The following EPHA6 variants were observed in gnomAD, a reference collection of about 807,000 sequenced individuals.
The protein encoded by EPHA6 is ephrin type-A receptor 6.
A neutral mutation model predicts 112.0 loss-of-function variants in EPHA6; 50 were observed. The observed-to-expected ratio is 0.45, with a 90% CI of 0.36 to 0.56. The LOEUF (loss-of-function observed/expected upper bound fraction) is 0.56. EPHA6 is among the 20% of genes least tolerant of loss of function. The pLI is 0.00. For synonymous variants in EPHA6, 529 were observed against 490.7 expected (o/e 1.08, Z -1.03); for missense variants, 1,280 against 1,417.4 (o/e 0.90, Z 1.56).
chr3:97,048,787 G>T lies in EPHA6; in HGVS notation c.1114+60794G>T, dbSNP rs536766979. On this transcript the variant is annotated intron_variant, in intron 3 of 17. Transcript: ENST00000389672. ...AGACCTTATTTAAATGAGGAGGAGA[G>T]AAAGATAATTAACAAAACCCACAAA... 1.2e-4 allele frequency among the ~76,000 whole-genome samples: 19 copies of T among 152,150 alleles called. No individual in the cohort carries two copies. The South Asian group carries it at 3.9e-3, about 32-fold the overall frequency.
chr3:97,753,318 G>C lies in EPHA6; in HGVS notation c.*4617G>C, dbSNP rs577143202. ...TGCTATGGTTGCCATGTCACCGGGG[G>C]ATAGCACTTTCCATAGAATATAAAG... is the stretch of plus-strand genomic sequence containing the variant. On this transcript the variant is annotated 3_prime_UTR_variant, in exon 18 of 18. Coordinates refer to ENST00000389672, the MANE Select transcript of EPHA6 (RefSeq NM_001080448.3). Among the ~76,000 whole-genome samples, 1 of 152,200 alleles carries C rather than the reference G, an allele frequency of 6.6e-6. No homozygotes were observed. Among genetic ancestry groups the C allele is most frequent in the South Asian group, 2.1e-4 (1 of 4,820 alleles).
intron 13 of EPHA6, among the ~76,000 whole-genome samples, chr3:97,615,454 AG>A (rs1161610964): frequency 6.6e-6 from 1 of 152,172 alleles, no homozygotes; most frequent in African/African-American, 2.4e-5. Flanking sequence ...AGCTGAATCC[AG>A]GGGGCAGAGC....
chr3:97,570,594 G>T (rs988252533), intron 11 of EPHA6, among the ~76,000 whole-genome samples: 25 of 152,016 alleles, frequency 1.6e-4, no homozygotes, highest in African/African-American at 5.6e-4. Flanking sequence ...GCTGGGCATG[G>T]TGGCAGGCAC....
chr3:97,147,955 G>A (rs1224107132), intron 3 of EPHA6, among the ~76,000 whole-genome samples: 1 of 152,012 alleles, frequency 6.6e-6, no homozygotes, highest in African/African-American at 2.4e-5. Context: ...ATATGATAAT[G>A]TACAATGTTA....
At chr3:97,065,208 G>T (rs189961486) in intron 3 of EPHA6, among the ~76,000 whole-genome samples, 104 of 152,168 alleles carry the variant, frequency 6.8e-4, no homozygotes, top group Non-Finnish European at 1.1e-3. Context: ...AGCCAGAACA[G>T]AATTTCCCTG....
chr3:97,597,225 C>A (rs6784579), intron 12 of EPHA6, among the ~76,000 whole-genome samples: 33,188 of 151,692 alleles, frequency 0.22, 4,806 homozygotes, highest in African/African-American at 0.39. Context: ...TCTCTGTTTG[C>A]CTGCCTGTGC....
Position 97,273,945 on chromosome 3 carries a change from G to A in EPHA6, c.1606+29658G>A, listed in dbSNP as rs373581105. On this transcript the variant is annotated intron_variant, in intron 5 of 17. Coordinates refer to ENST00000389672, the MANE Select transcript of EPHA6 (RefSeq NM_001080448.3). Reference sequence around the variant, plus strand: ...TGAGTAAAGTCAATTTGCCAGTCCTGGGCAGGGGCAAATCCCCGAGCTTTA... The same window carrying A: ...TGAGTAAAGTCAATTTGCCAGTCCTAGGCAGGGGCAAATCCCCGAGCTTTA... Among the ~76,000 whole-genome samples the A allele has an allele frequency of 7.9e-5, 12 of 152,240 alleles. No individual in the cohort carries two copies. In the East Asian group the frequency reaches 1.7e-3, roughly 22 times the overall value.
intron 5 of EPHA6, among the ~76,000 whole-genome samples, chr3:97,395,140 AAAAC>A (rs1559954886): frequency 6.6e-6 from 1 of 151,694 alleles, no homozygotes; most frequent in Non-Finnish European, 1.5e-5. Flanking sequence ...GAAAGAAAAA[AAAAC>A]AAGGAAGAAC....
At chr3:96,849,608 C>T (rs924684411) in intron 1 of EPHA6, among the ~76,000 whole-genome samples, 3 of 152,036 alleles carry the variant, frequency 2.0e-5, no homozygotes, top group Non-Finnish European at 4.4e-5. Flanking sequence ...ATAAGCTGCT[C>T]TTATTTCTCT....
chr3:96,876,128 CAT>C (rs200307290), intron 2 of EPHA6, among the ~76,000 whole-genome samples: 1,601 of 140,326 alleles, frequency 0.011, 23 homozygotes, highest in African/African-American at 0.044. Context: ...TAATAAAATA[CAT>C]ATATTTTTTT....
chr3:97,623,344 A>G (rs1249111753), intron 13 of EPHA6, among the ~76,000 whole-genome samples: 2 of 151,830 alleles, frequency 1.3e-5, no homozygotes, highest in African/African-American at 4.8e-5. Context: ...TCCTAGCATC[A>G]TTTATTGAAA....
At chr3:97,630,885 G>A (rs1024486141) in intron 13 of EPHA6, among the ~76,000 whole-genome samples, 1 of 151,922 alleles carries the variant, frequency 6.6e-6, no homozygotes. Flanking sequence ...ATCACATGTG[G>A]TAGCACTTCT....
chr3:97,527,066 G>A (rs1230293106), intron 10 of EPHA6, among the ~76,000 whole-genome samples: 3 of 152,124 alleles, frequency 2.0e-5, no homozygotes, highest in Non-Finnish European at 2.9e-5. Context: ...AAGGGGGCTG[G>A]AGCCAAAAGC....
At chr3:97,211,530 C>T (rs1180294501) in intron 3 of EPHA6, among the ~76,000 whole-genome samples, 1 of 152,156 alleles carries the variant, frequency 6.6e-6, no homozygotes, top group African/African-American at 2.4e-5. Context: ...GTACCCTCTT[C>T]CTTATTTGCA....
At chr3:97,378,906 T>A (rs1343516336) in intron 5 of EPHA6, among the ~76,000 whole-genome samples, 6 of 152,142 alleles carry the variant, frequency 3.9e-5, no homozygotes, top group Admixed American at 3.9e-4. Context: ...GACTGTGTAC[T>A]TTTGGGTTAA....
chr3:97,073,872 CA>C (rs1239186217), intron 3 of EPHA6, among the ~76,000 whole-genome samples: 1 of 151,990 alleles, frequency 6.6e-6, no homozygotes, highest in East Asian at 1.9e-4. Flanking sequence ...CTAGCTTCAA[CA>C]GGGACAATCA....
chr3:97,061,305 T>C (rs2046013884), intron 3 of EPHA6, among the ~76,000 whole-genome samples: 1 of 152,118 alleles, frequency 6.6e-6, no homozygotes, highest in Non-Finnish European at 1.5e-5. Flanking sequence ...AGAATGTAGT[T>C]GAGACAGAGG....
Position 97,127,413 on chromosome 3 carries a change from G to A in EPHA6, c.1115-98851G>A, listed in dbSNP as rs140389036. On this transcript the variant is annotated intron_variant, in intron 3 of 17. Transcript: ENST00000389672. ...TTATGACCTGCTTCATGGGAGAAGG[G>A]CTGGGGCAAGAGAATGAACTTCCCG... Among the ~76,000 whole-genome samples the A allele has an allele frequency of 5.9e-3, 897 of 152,150 alleles. 4 individuals carry two copies. Among genetic ancestry groups the A allele is most frequent in the Admixed American group, 9.9e-3 (151 of 15,280 alleles).
At chr3:97,565,734 T>G (rs2093255552) in intron 11 of EPHA6, among the ~76,000 whole-genome samples, 1 of 151,966 alleles carries the variant, frequency 6.6e-6, no homozygotes, top group Admixed American at 6.6e-5. Context: ...GAAAAGAGAT[T>G]TAGGCCGGGC....
Sources: gnomAD v4.1 joint callset for allele counts (sites outside exome capture counted in the v4.1 genomes callset) on GRCh38, gnomAD v4.1.1 for gene constraint, MANE v1.5 for transcripts, NCBI Gene and HGNC (gene_info 2026-07-23, HGNC 2026-07-21) for gene names.